Variants in ZNF560 observed in about 807,000 individuals in gnomAD.
ZNF560 encodes the protein zinc finger protein 560.
In ZNF560, 54 loss-of-function variants were observed where a neutral mutation model predicts 81.8. The observed-to-expected ratio is 0.66, with a 90% confidence interval of 0.53 to 0.83. ZNF560 has a LOEUF of 0.83. ZNF560 is among the 40% of genes least tolerant of loss of function. The pLI is 0.00. For synonymous variants in ZNF560, 321 were observed against 317.9 expected (o/e 1.01, Z -0.10); for missense variants, 940 against 932.4 (o/e 1.01, Z -0.11).
intron 2 of ZNF560, among the ~76,000 whole-genome samples, chr19:9,493,898 C>T (rs866484593): frequency 4.0e-5 from 6 of 151,624 alleles, no homozygotes; most frequent in Admixed American, 1.3e-4. Context: ...TTTGGAAGGC[C>T]GAGGTGGGCA....
chr19:9,449,103 A>G, the ZNF560 span, among the ~76,000 whole-genome samples: 1 of 152,238 alleles, frequency 6.6e-6, no homozygotes, highest in Non-Finnish European at 1.5e-5. Context: ...ACTGAGGCAG[A>G]AAACTAACAA....
At chr19:9,476,677 T>C (rs888498158) in intron 2 of ZNF560, among the ~76,000 whole-genome samples, 1 of 152,166 alleles carries the variant, frequency 6.6e-6, no homozygotes, top group Admixed American at 6.5e-5. Flanking sequence ...TCTTCTGCCA[T>C]TGATGCCACC....
At chr19:9,457,475 T>G in the ZNF560 span, among the ~76,000 whole-genome samples, 1 of 152,242 alleles carries the variant, frequency 6.6e-6, no homozygotes, top group Admixed American at 6.5e-5. Flanking sequence ...GCCAGACTTA[T>G]GTAGGGCAAG....
At chr19:9,474,124 C>T (rs947315569) in intron 4 of ZNF560, 75 bp downstream of exon 4, 9 of 1,560,616 alleles carry the variant, frequency 5.8e-6, no homozygotes, top group Non-Finnish European at 7.0e-6. Context: ...GTTGAACAAA[C>T]CAATTCTGGA....
At chr19:9,486,380 A>G (rs2073384929) in intron 2 of ZNF560, among the ~76,000 whole-genome samples, 1 of 152,228 alleles carries the variant, frequency 6.6e-6, no homozygotes, top group East Asian at 1.9e-4. Flanking sequence ...CAGGGTGGAA[A>G]GTAAAAAAGT....
At chr19:9,465,439 GCTCT>G (rs937727638), downstream of ZNF560, among the ~76,000 whole-genome samples, 17 of 152,246 alleles carry the variant, frequency 1.1e-4, no homozygotes, top group Admixed American at 2.6e-4. Context: ...CGCCTGGCCA[GCTCT>G]CTATGTTTCT....
chr19:9,446,060 T>G, the ZNF560 span, among the ~76,000 whole-genome samples: 1 of 152,092 alleles, frequency 6.6e-6, no homozygotes, highest in Non-Finnish European at 1.5e-5. Flanking sequence ...ACCCCCTTGT[T>G]GATATTACCA....
At chr19:9,496,369 C>T (rs1038695490) in intron 2 of ZNF560, among the ~76,000 whole-genome samples, 1 of 151,418 alleles carries the variant, frequency 6.6e-6, no homozygotes, top group Non-Finnish European at 1.5e-5. Flanking sequence ...CAAAAAAACC[C>T]CGCAAATATA....
At chr19:9,500,416 AT>A (rs1292462549), upstream of ZNF560, among the ~76,000 whole-genome samples, 1 of 151,108 alleles carries the variant, frequency 6.6e-6, no homozygotes, top group African/African-American at 2.4e-5. Flanking sequence ...AAAAAAAAGA[AT>A]TTCCTGTAGA....
At position 9,493,293 on chromosome 19, in the gene ZNF560, G is replaced by A. The variant is rs952374379; in HGVS notation, c.-57+4835C>T. Among the ~76,000 whole-genome samples, 5 of 152,152 alleles carry A rather than the reference G, an allele frequency of 3.3e-5. No homozygotes were observed. In the South Asian group the frequency reaches 1.0e-3, roughly 31 times the overall value. ...AATACAAAAAATGTTCATCGAAAAA[G>A]TAAAACCATGGATAGCAACTATAAC... On this transcript the variant is annotated intron_variant, in intron 2 of 9. Transcript: ENST00000301480.
chr19:9,450,372 A>C, the ZNF560 span, among the ~76,000 whole-genome samples: 1 of 152,150 alleles, frequency 6.6e-6, no homozygotes, highest in Non-Finnish European at 1.5e-5. Flanking sequence ...CAGCCAGAAC[A>C]ATCAAAGAAA....
intron 5 of ZNF560, 91 bp from the exon 6 acceptor site, chr19:9,471,469 G>A: frequency 1.3e-6 from 1 of 789,192 alleles, no homozygotes; most frequent in Admixed American, 4.0e-5. Context: ...ATTCATATTT[G>A]TTTTTAAAAT....
At chr19:9,471,400 A>AG in intron 5 of ZNF560, 22 bp from the exon 6 acceptor site, 1 of 1,441,716 alleles carries the variant, frequency 6.9e-7, no homozygotes, top group Non-Finnish European at 9.2e-7. Context: ...ACATAAACTG[A>AG]GGTTTTTTTT....
chr19:9,465,282 C>T (rs908935336), downstream of ZNF560, among the ~76,000 whole-genome samples: 1 of 152,060 alleles, frequency 6.6e-6, no homozygotes, highest in African/African-American at 2.4e-5. Context: ...AGGGGTGTAC[C>T]ACCATGCCCA....
At chr19:9,462,122 C>T (rs2072941652), downstream of ZNF560, among the ~76,000 whole-genome samples, 1 of 152,152 alleles carries the variant, frequency 6.6e-6, no homozygotes, top group Admixed American at 6.5e-5. Context: ...GGGGGACATG[C>T]TGGGAATAGG....
At chr19:9,455,623 T>G in the ZNF560 span, among the ~76,000 whole-genome samples, 1 of 152,198 alleles carries the variant, frequency 6.6e-6, no homozygotes, top group African/African-American at 2.4e-5. Context: ...TATGCAGATT[T>G]TATAGCTTGG....
upstream of ZNF560, among the ~76,000 whole-genome samples, chr19:9,502,635 C>A (rs1404783675): frequency 3.3e-5 from 5 of 152,190 alleles, no homozygotes; most frequent in African/African-American, 4.8e-5. Context: ...GATTTAATCT[C>A]TTTTCTTGTT....
intron 9 of ZNF560, 50 bp downstream of exon 9, chr19:9,469,055 C>A: frequency 1.4e-6 from 2 of 1,396,414 alleles, no homozygotes; most frequent in South Asian, 1.3e-5. Context: ...TAATGCAATA[C>A]CAGTCTTCTC....
intron 2 of ZNF560, among the ~76,000 whole-genome samples, chr19:9,479,074 G>A (rs963733257): frequency 5.9e-5 from 9 of 151,956 alleles, no homozygotes; most frequent in Non-Finnish European, 1.3e-4. Context: ...GCTGAGGCAG[G>A]AGAATCACTT....
Sources: gnomAD v4.1 joint callset for allele counts (sites outside exome capture counted in the v4.1 genomes callset) on GRCh38, gnomAD v4.1.1 for gene constraint, MANE v1.5 for transcripts, NCBI Gene and HGNC (gene_info 2026-07-23, HGNC 2026-07-21) for gene names.